The following TRIM10 variants were observed in gnomAD, a reference collection of about 807,000 sequenced individuals.
TRIM10 encodes the protein tripartite motif containing 10, also known as tripartite motif-containing protein 10.
A neutral mutation model predicts 40.0 loss-of-function variants in TRIM10; 42 were observed. The ratio of observed to expected loss-of-function variants is 1.05; its 90% CI spans 0.82 to 1.36. The LOEUF (loss-of-function observed/expected upper bound fraction) is 1.36. TRIM10 is among the 40% of genes most tolerant of loss of function. The pLI, the probability that TRIM10 is intolerant of heterozygous loss-of-function variation, is 0.00. For synonymous variants in TRIM10, 260 were observed against 239.5 expected (o/e 1.09, Z -0.79); for missense variants, 601 against 608.3 (o/e 0.99, Z 0.13).
chr6:30,161,165 C>T lies in TRIM10; in HGVS notation c.-307G>A, dbSNP rs1308725682. Among the ~76,000 whole-genome samples the T allele has an allele frequency of 6.6e-6, 1 of 152,102 alleles. No individual in the cohort carries two copies. Among genetic ancestry groups the T allele is most frequent in the East Asian group, 1.9e-4 (1 of 5,192 alleles). On this transcript the variant is annotated 5_prime_UTR_variant, in exon 1 of 7. Coordinates refer to ENST00000449742, the MANE Select transcript of TRIM10 (RefSeq NM_006778.4). ...TCCTTTCTGCCCATCCAGAGACACT[C>T]ACAGTAGAAGGAAAGTGGTGATATG...
At chr6:30,154,717 A>C in intron 6 of TRIM10, 1 of 708,960 alleles carries the variant, frequency 1.4e-6, no homozygotes, top group Non-Finnish European at 2.6e-6. Context: ...AAAGCCTGAA[A>C]AGCCTGCCTC....
At chr6:30,157,143 G>A in intron 4 of TRIM10, 89 bp from the exon 5 acceptor site, 1 of 1,340,722 alleles carries the variant, frequency 7.5e-7, no homozygotes, top group Non-Finnish European at 1.0e-6. Flanking sequence ...AGGGCATGAT[G>A]GCGCTAGTTC....
intron 1 of TRIM10, 115 bp from the exon 2 acceptor site, chr6:30,159,360 T>C (rs748697655): frequency 4.3e-6 from 3 of 691,550 alleles, no homozygotes; most frequent in Non-Finnish European, 5.0e-6. Context: ...AGTCCCTTCC[T>C]TAGCTGACAA....
rs531483512 is a variant in TRIM10 at position 30,156,985 on chromosome 6, A to G, written c.849T>C (p.Phe283=). Residue 283 remains phenylalanine (F), a synonymous_variant, in exon 5 of 7, where the codon TTT becomes TTC. Coordinates refer to ENST00000449742, the MANE Select transcript of TRIM10 (RefSeq NM_006778.4). The stretch of plus-strand genomic sequence containing the variant: ...TCTGCAGCGGGAGGGCCTGCTGGGG[A>G]AAGTCCCGAATCCTCTGGCCCAGCT... The part of the protein sequence containing the change: ...SPELGQRIRD[F]PQQALPLQRE... The G allele has an allele frequency of 6.2e-7, 1 of 1,613,060 alleles. No homozygotes were observed. Among genetic ancestry groups the G allele is most frequent in the South Asian group, 1.1e-5 (1 of 91,082 alleles).
chr6:30,152,240 G>C lies in TRIM10; in HGVS notation c.*1729C>G, dbSNP rs1329802994. 2.6e-5 allele frequency: 4 copies of C among 152,088 alleles called. No homozygotes were observed. The highest frequency in any genetic ancestry group is 6.5e-5 in the Admixed American group (1 of 15,278). 9.4% of individuals were successfully genotyped at this position (152,088 alleles called of 1,614,324 possible). ...CGTTACCAAGATAAAGTGACACAAG[G>C]TGTGTAAAGCTCCCGAGCTGCAAGC... On this transcript the variant is annotated 3_prime_UTR_variant, in exon 7 of 7. Coordinates refer to ENST00000449742, the MANE Select transcript of TRIM10 (RefSeq NM_006778.4).
At position 30,154,247 on chromosome 6, in the gene TRIM10, G is replaced by A. The variant is rs562005469; in HGVS notation, c.1168C>T (p.Arg390Trp). ...TVGVVSEDVQ[R>W]KGELRLRPEE... ...GGCCGCAGCCGAAGCTCCCCCTTCC[G>A]CTGCACATCCTCGCTCACCACGCCC... is the stretch of plus-strand genomic sequence containing the variant. The change falls in exon 7 of 7, where the codon CGG becomes TGG. Residue 390 changes from arginine (R) to tryptophan (W), a missense_variant. Coordinates refer to ENST00000449742, the MANE Select transcript of TRIM10 (RefSeq NM_006778.4). 1.7e-5 allele frequency: 27 copies of A among 1,612,924 alleles called. No individual in the cohort carries two copies. Among genetic ancestry groups the A allele is most frequent in the Admixed American group, 6.7e-5 (4 of 59,988 alleles).
rs762205559 is a variant in TRIM10 at position 30,160,628 on chromosome 6, G to C, written c.231C>G (p.Asn77Lys). 6.2e-7 allele frequency: 1 copy of C among 1,614,100 alleles called. No individual in the cohort carries two copies. Among genetic ancestry groups the C allele is most frequent in the East Asian group, 2.2e-5 (1 of 44,900 alleles). The change falls in exon 1 of 7, where the codon AAC (asparagine) becomes AAG (lysine). Residue 77 changes from asparagine (N) to lysine (K), a missense_variant. By Grantham distance (94) the Asn-to-Lys change is moderately conservative. Coordinates refer to ENST00000449742, the MANE Select transcript of TRIM10 (RefSeq NM_006778.4). ...GGAGGCGCTCAATGTTCTCCACCAC[G>C]TTAGCCAGCTGCCAGTTGGGCCGGA... is the stretch of plus-strand genomic sequence containing the variant. ...GSFRPNWQLA[N>K]VVENIERLQL...
chr6:30,156,883 C>T lies in TRIM10; in HGVS notation c.895+56G>A, dbSNP rs1772579028. 1.1e-5 allele frequency: 16 copies of T among 1,517,928 alleles called. 1 individual carries two copies. In the South Asian group the frequency reaches 1.2e-4, roughly 12 times the overall value. 94.0% of individuals were successfully genotyped at this position (1,517,928 alleles called of 1,614,324 possible). On this transcript the variant is annotated intron_variant, in intron 5 of 6. Transcript: ENST00000449742. ...TCAGCAGTGGAGCGTGGAGGCCACT[C>T]CTAAACCCAGGCTTCATGGCCACCT... is the stretch of plus-strand genomic sequence containing the variant.
At position 30,153,521 on chromosome 6, in the gene TRIM10, T is replaced by C. The variant is rs1772209427; in HGVS notation, c.*448A>G. 1 of 671,126 alleles carries C rather than the reference T, an allele frequency of 1.5e-6. No individual in the cohort carries two copies. The highest frequency in any genetic ancestry group is 1.9e-5 in the South Asian group (1 of 51,950). The allele number at this position is 671,126 out of a possible 1,614,324, so 41.6% of individuals were successfully genotyped here. A position where few individuals can be genotyped will look rare whatever the true frequency, so the allele number is the denominator to read the frequency against. Reference sequence around the variant, plus strand: ...AGTGGCCACCACACTGCTTGGTTCATAGTTAACACAAACTAAATGGTTCTA... The same window carrying C: ...AGTGGCCACCACACTGCTTGGTTCACAGTTAACACAAACTAAATGGTTCTA... On this transcript the variant is annotated 3_prime_UTR_variant, in exon 7 of 7. Coordinates refer to ENST00000449742, the MANE Select transcript of TRIM10 (RefSeq NM_006778.4).
intron 6 of TRIM10, 139 bp downstream of exon 6, chr6:30,155,588 T>C (rs1393321966): frequency 1.5e-6 from 1 of 653,232 alleles, no homozygotes; most frequent in Non-Finnish European, 2.7e-6. Flanking sequence ...ATATAATATA[T>C]ATGATGTGTA....
At position 30,154,369 on chromosome 6, in the gene TRIM10, T is replaced by G. The variant is rs548752914; in HGVS notation, c.1046A>C (p.Asp349Ala). ...QNSPDNPQRF[D>A]RATCVLAHTG... is the part of the protein sequence containing the mutation. ...GTGGGCCAGAACACAGGTGGCCCGG[T>G]CAAAACGTTGGGGGTTGTCTGGTGA... Residue 349 changes from aspartate to alanine, a missense_variant, in exon 7 of 7, where the codon GAC (aspartate) becomes GCC (alanine). Physicochemically the swap from Asp to Ala is moderately radical, Grantham distance 126 (BLOSUM62 -2). Transcript: ENST00000449742. The G allele has an allele frequency of 1.6e-5, 26 of 1,613,004 alleles. No individual in the cohort carries two copies. In the African/African-American group the frequency reaches 3.2e-4, roughly 20 times the overall value.
chr6:30,163,951 G>C (rs747110315), upstream of TRIM10: 5 of 1,613,132 alleles, frequency 3.1e-6, no homozygotes, highest in Non-Finnish European at 4.2e-6. Context: ...ACGGCGAGAA[G>C]ATCTACTTCT....
Position 30,152,255 on chromosome 6 carries a change from G to C in TRIM10, c.*1714C>G, listed in dbSNP as rs1581555299. ...GTGACACAAGGTGTGTAAAGCTCCC[G>C]AGCTGCAAGCCAGGATCTTCATACA... On this transcript the variant is annotated 3_prime_UTR_variant, in exon 7 of 7. Coordinates refer to ENST00000449742, the MANE Select transcript of TRIM10 (RefSeq NM_006778.4). 6.6e-6 allele frequency: 1 copy of C among 152,104 alleles called. No individual in the cohort carries two copies. Among genetic ancestry groups the C allele is most frequent in the African/African-American group, 2.4e-5 (1 of 41,408 alleles). The allele number at this position is 152,104 out of a possible 1,614,324, so 9.4% of individuals were successfully genotyped here.
At position 30,160,552 on chromosome 6, in the gene TRIM10, C is replaced by T. The variant is rs571992611; in HGVS notation, c.307G>A (p.Gly103Arg). 1.2e-6 allele frequency: 2 copies of T among 1,614,218 alleles called. No homozygotes were observed. Among genetic ancestry groups the T allele is most frequent in the East Asian group, 2.2e-5 (1 of 44,880 alleles). Residue 103 changes from glycine (G) to arginine (R), a missense_variant, in exon 1 of 7, where the codon GGA becomes AGA. By Grantham distance (125) the Gly-to-Arg change is moderately radical. Coordinates refer to ENST00000449742, the MANE Select transcript of TRIM10 (RefSeq NM_006778.4). Reference sequence around the variant, plus strand: ...TCACAGAAGAAGTAGATCTTCTCTCCGTGCTCTTGGCAGACATCCTCCTCT... The same window carrying T: ...TCACAGAAGAAGTAGATCTTCTCTCTGTGCTCTTGGCAGACATCCTCCTCT... ...LGEEDVCQEH[G>R]EKIYFFCEDD... is the part of the protein sequence containing the mutation.
In TRIM10 at chr6:30,157,056, T is replaced by A; in HGVS notation, c.780-2A>T. ...TTCCGGCACTTTCTGGTTTCACATC[T>A]AGGGGCACAGAAATGGCTGGGTCTG... On this transcript the variant is annotated splice_acceptor_variant, in intron 4 of 6. Coordinates refer to ENST00000449742, the MANE Select transcript of TRIM10 (RefSeq NM_006778.4). LOFTEE classifies it high-confidence loss of function. The A allele has an allele frequency of 6.2e-7, 1 of 1,612,702 alleles. No homozygotes were observed. The highest frequency in any genetic ancestry group is 8.5e-7 in the Non-Finnish European group (1 of 1,179,798).
chr6:30,158,454 G>C lies in TRIM10; in HGVS notation c.701C>G (p.Ala234Gly). The C allele has an allele frequency of 6.2e-7, 1 of 1,613,042 alleles. No homozygotes were observed. The highest frequency in any genetic ancestry group is 8.5e-7 in the Non-Finnish European group (1 of 1,180,034). The change falls in exon 3 of 7, where the codon GCT (alanine) becomes GGT (glycine). Residue 234 changes from alanine to glycine, a missense_variant. Physicochemically the swap from Ala to Gly is moderately conservative, Grantham distance 60. Transcript: ENST00000449742. ...LVAGEICRFS[A>G]LIEELEEKNE... ...CTTCTCCTCCAGTTCTTCAATAAGA[G>C]CACTAAACCGGCAGATCTCCCCAGC...
At chr6:30,163,547 T>C, upstream of TRIM10, 1 of 1,211,580 alleles carries the variant, frequency 8.3e-7, no homozygotes, top group Non-Finnish European at 1.1e-6. Flanking sequence ...CTTGCCTCTC[T>C]CTCTCTTTCT....
At position 30,160,868 on chromosome 6, in the gene TRIM10, G is replaced by A; in HGVS notation, c.-10C>T. On this transcript the variant is annotated 5_prime_UTR_variant, in exon 1 of 7. Coordinates refer to ENST00000449742, the MANE Select transcript of TRIM10 (RefSeq NM_006778.4). ...AGGCAGCAGAGGCCATGCTGGTCCTGCTGCTATGGCTTCCTCAAGGCCACT... is the reference window on the plus strand; with the variant it reads ...AGGCAGCAGAGGCCATGCTGGTCCTACTGCTATGGCTTCCTCAAGGCCACT... The A allele has an allele frequency of 6.3e-7, 1 of 1,593,618 alleles. No individual in the cohort carries two copies. Among genetic ancestry groups the A allele is most frequent in the African/African-American group, 1.3e-5 (1 of 74,762 alleles).
chr6:30,160,826 T>C lies in TRIM10; in HGVS notation c.33A>G (p.Ala11=), dbSNP rs752890435. The part of the protein sequence containing the change: MASAASVTSL[A]DEVNCPICQG... ...GACAGATGGGGCAGTTGACTTCATC[T>C]GCCAGGCTGGTCACAGAGGCAGCAG... Residue 11 remains alanine, a synonymous_variant, in exon 1 of 7, where the codon GCA becomes GCG. Coordinates refer to ENST00000449742, the MANE Select transcript of TRIM10 (RefSeq NM_006778.4). The C allele has an allele frequency of 6.2e-7, 1 of 1,612,992 alleles. No individual in the cohort carries two copies. Among genetic ancestry groups the C allele is most frequent in the South Asian group, 1.1e-5 (1 of 91,026 alleles).
Sources: gnomAD v4.1 joint callset for allele counts (sites outside exome capture counted in the v4.1 genomes callset) on GRCh38, gnomAD v4.1.1 for gene constraint, MANE v1.5 for transcripts, NCBI Gene and HGNC (gene_info 2026-07-23, HGNC 2026-07-21) for gene names.